Variants in ALG9 observed in about 807,000 individuals in gnomAD.
ALG9 encodes the protein ALG9 alpha-1,2-mannosyltransferase.
In ALG9, 55 loss-of-function variants were observed where a neutral mutation model predicts 81.8. The observed-to-expected ratio is 0.67, with a 90% confidence interval of 0.54 to 0.84. The LOEUF (loss-of-function observed/expected upper bound fraction) is 0.84. Among genes scored for constraint, ALG9 ranks in the 40% least tolerant of loss-of-function variants. The pLI is 0.00. For missense variants in ALG9, 629 were observed against 745.0 expected (o/e 0.84, Z 1.81); for synonymous variants, 278 against 274.3 (o/e 1.01, Z -0.13).
At chr11:111,798,655 G>C (rs1555077703) in intron 14 of ALG9, among the ~76,000 whole-genome samples, 4 of 152,190 alleles carry the variant, frequency 2.6e-5, no homozygotes, top group African/African-American at 9.7e-5. Flanking sequence ...TAACAAATGT[G>C]TCTGGTCTAA....
intron 8 of ALG9, among the ~76,000 whole-genome samples, chr11:111,852,096 C>T (rs1555139082): frequency 6.6e-6 from 1 of 152,068 alleles, no homozygotes; most frequent in East Asian, 1.9e-4. Context: ...GTTCTATTGG[C>T]AAAATGGCAC....
At chr11:111,811,561 A>G (rs200850845) in intron 13 of ALG9, among the ~76,000 whole-genome samples, 1 of 146,556 alleles carries the variant, frequency 6.8e-6, no homozygotes, top group Admixed American at 6.8e-5. Context: ...AAAAAAAAAA[A>G]GGATAGAATT....
intron 4 of ALG9, chr11:111,864,217 C>A: frequency 2.8e-6 from 2 of 723,238 alleles, no homozygotes; most frequent in Admixed American, 2.0e-5. Flanking sequence ...ACCCACGACC[C>A]ACCAACCCAC....
At chr11:111,824,560 C>T (rs1256577086) in intron 13 of ALG9, among the ~76,000 whole-genome samples, 27 of 152,036 alleles carry the variant, frequency 1.8e-4, no homozygotes. Flanking sequence ...GCCATTATAC[C>T]AAAGCGTAAG....
chr11:111,776,268 T>A, the ALG9 span, among the ~76,000 whole-genome samples: 2 of 151,876 alleles, frequency 1.3e-5, no homozygotes, highest in African/African-American at 4.8e-5. Context: ...ACAGAGCAAA[T>A]CTGACAATCT....
the ALG9 span, chr11:111,771,286 G>T: frequency 6.6e-6 from 1 of 152,420 alleles, no homozygotes; most frequent in Non-Finnish European, 1.5e-5. Flanking sequence ...GCAAAAATTA[G>T]CCAGGTGTGG....
intron 14 of ALG9, among the ~76,000 whole-genome samples, chr11:111,791,779 T>G (rs1245854636): frequency 6.6e-6 from 1 of 152,256 alleles, no homozygotes; most frequent in Non-Finnish European, 1.5e-5. Flanking sequence ...CATCTCATTT[T>G]TAAAGTCTCA....
intron 14 of ALG9, among the ~76,000 whole-genome samples, chr11:111,787,874 A>G (rs1294749289): frequency 9.2e-5 from 14 of 152,252 alleles, no homozygotes; most frequent in African/African-American, 3.4e-4. Flanking sequence ...TAAGGCTTCA[A>G]CTTGCTCAGG....
At chr11:111,840,592 T>C in intron 10 of ALG9, 63 bp downstream of exon 10, 1 of 1,594,430 alleles carries the variant, frequency 6.3e-7, no homozygotes, top group Non-Finnish European at 8.6e-7. Flanking sequence ...GCACTTAAGT[T>C]TGTGAGCAAT....
intron 13 of ALG9, among the ~76,000 whole-genome samples, chr11:111,822,500 C>T (rs1028073888): frequency 2.5e-4 from 38 of 151,326 alleles, no homozygotes; most frequent in African/African-American, 9.0e-4. Context: ...CTGCTTGAGC[C>T]TAGGAGTTTA....
chr11:111,803,510 A>G (rs1555082233), intron 14 of ALG9, among the ~76,000 whole-genome samples: 1 of 151,914 alleles, frequency 6.6e-6, no homozygotes, highest in Non-Finnish European at 1.5e-5. Flanking sequence ...CAGGAAAAAA[A>G]AAAAAAAAAG....
chr11:111,857,663 T>C lies in ALG9; in HGVS notation c.640A>G (p.Ile214Val), dbSNP rs370960046. ...CCAGCTGCTACTCCCAGCACAGCAA[T>C]GGAAGTCTTGTCCATATACCATCCA... Reference protein sequence around the residue: ...MTGWYMDKTSIAVLGVAAGAI... With the variant: ...MTGWYMDKTSVAVLGVAAGAI... The change falls in exon 6 of 15, where the codon ATT becomes GTT. Residue 214 changes from isoleucine (I) to valine (V), a missense_variant. Ile to Val is a conservative substitution (Grantham distance 29, BLOSUM62 3). Coordinates refer to ENST00000616540, the MANE Select transcript of ALG9 (RefSeq NM_024740.2). 9.3e-6 allele frequency: 15 copies of C among 1,614,078 alleles called. No homozygotes were observed. The highest frequency in any genetic ancestry group is 1.3e-5 in the African/African-American group (1 of 74,932).
At position 111,786,172 on chromosome 11, in the gene ALG9, C is replaced by T. The variant is rs1946442582; in HGVS notation, c.*225G>A. On this transcript the variant is annotated 3_prime_UTR_variant, in exon 15 of 15. Transcript: ENST00000616540. ...ATCTGTGCTTTAGGGCCTTTCTCTGCCTAGCTGCAAAAAGTTTACATGCAG... is the reference window on the plus strand; with the variant it reads ...ATCTGTGCTTTAGGGCCTTTCTCTGTCTAGCTGCAAAAAGTTTACATGCAG... The T allele has an allele frequency of 1.6e-6, 1 of 642,014 alleles. No homozygotes were observed. Among genetic ancestry groups the T allele is most frequent in the Admixed American group, 2.1e-5 (1 of 47,464 alleles). The allele number at this position is 642,014 out of a possible 1,614,324, so 39.8% of individuals were successfully genotyped here.
intron 12 of ALG9, among the ~76,000 whole-genome samples, chr11:111,837,030 C>T (rs1353106879): frequency 1.3e-5 from 2 of 152,250 alleles, no homozygotes; most frequent in African/African-American, 4.8e-5. Context: ...ATTTTAACCA[C>T]AGCCTTCCCC....
At chr11:111,773,815 C>T in the ALG9 span, among the ~76,000 whole-genome samples, 1 of 148,310 alleles carries the variant, frequency 6.7e-6, no homozygotes, top group South Asian at 2.1e-4. Flanking sequence ...AGTGCAGTAG[C>T]ATGATCACGG....
At chr11:111,800,159 C>T (rs570222131) in intron 14 of ALG9, among the ~76,000 whole-genome samples, 1 of 152,272 alleles carries the variant, frequency 6.6e-6, no homozygotes, top group African/African-American at 2.4e-5. Context: ...AAGCCTGTGT[C>T]TAATCACTTC....
chr11:111,792,301 T>C (rs1209212554), intron 14 of ALG9, among the ~76,000 whole-genome samples: 1 of 152,262 alleles, frequency 6.6e-6, no homozygotes, highest in African/African-American at 2.4e-5. Context: ...TCTGCCAACA[T>C]GTGCCTGGCA....
intron 8 of ALG9, among the ~76,000 whole-genome samples, chr11:111,848,173 CAG>C (rs1555132477): frequency 6.6e-6 from 1 of 152,180 alleles, no homozygotes; most frequent in Non-Finnish European, 1.5e-5. Flanking sequence ...AGGCCTGTCT[CAG>C]AGTGTTTTGA....
intron 3 of ALG9, among the ~76,000 whole-genome samples, chr11:111,868,214 C>T (rs1005931962): frequency 2.0e-5 from 3 of 152,188 alleles, no homozygotes; most frequent in African/African-American, 7.2e-5. Context: ...GAAAACTAAT[C>T]AGGTTAGGTC....
Sources: allele counts gnomAD v4.1 joint callset (sites outside exome capture counted in the v4.1 genomes callset), GRCh38; gene constraint gnomAD v4.1.1; transcripts MANE v1.5; gene names NCBI Gene and HGNC (gene_info 2026-07-23, HGNC 2026-07-21).